Variants in NLGN2 observed in about 807,000 individuals in gnomAD.
NLGN2 encodes neuroligin-2.
NLGN2 carries 11 observed loss-of-function variants against 48.6 expected under a neutral mutation model. That is an observed-to-expected ratio of 0.23 (90% CI 0.14 to 0.37). The LOEUF (loss-of-function observed/expected upper bound fraction) is 0.37. Ranked by LOEUF, NLGN2 falls within the 10% of genes least tolerant of loss-of-function variation. The pLI is 1.00. For synonymous variants in NLGN2, 548 were observed against 550.0 expected (o/e 1.00, Z 0.05); for missense variants, 801 against 1,225.2 (o/e 0.65, Z 5.17).
chr17:7,408,564 G>T lies in NLGN2; in HGVS notation c.309G>T (p.Pro103=). 2 of 1,551,604 alleles carry T rather than the reference G, an allele frequency of 1.3e-6. No homozygotes were observed. The highest frequency in any genetic ancestry group is 1.2e-5 in the South Asian group (1 of 84,740). The part of the protein sequence containing the change: ...WPGVRNATTL[P]PACPQNLHGA... ...GCGTGCGCAACGCCACCACCCTGCC[G>T]CCCGCCTGCCCGCAGAACCTGCACG... Residue 103 remains proline (P), a synonymous_variant, in exon 1 of 7, where the codon CCG becomes CCT. Transcript: ENST00000302926. The surrounding 1 kb of genome is among the most constrained non-coding windows in gnomAD (Gnocchi z 7.5).
chr17:7,412,894 T>C (rs1337194302), intron 2 of NLGN2, among the ~76,000 whole-genome samples: 1 of 100,780 alleles, frequency 9.9e-6, no homozygotes, highest in African/African-American at 2.8e-5. Context: ...TGGTTGTTTT[T>C]TTCTTTCTTT....
In NLGN2 at chr17:7,407,952, T is replaced by TTCTG; in HGVS notation, c.-297_-294dup. 1 of 246,848 alleles carries TTCTG rather than the reference T, an allele frequency of 4.1e-6. No individual in the cohort carries two copies. The highest frequency in any genetic ancestry group is 7.8e-6 in the Non-Finnish European group (1 of 128,638). The allele number at this position is 246,848 out of a possible 1,614,324, so 15.3% of individuals were successfully genotyped here. On this transcript the variant is annotated 5_prime_UTR_variant, in exon 1 of 7. Transcript: ENST00000302926. The stretch of plus-strand genomic sequence containing the variant: ...CTTGCCCTCTTCCACCTCTGTATTT[T>TTCTG]TCTGTCTGTCCGTCTGTCTGTATCC...
Position 7,408,362 on chromosome 17 carries a change from T to A in NLGN2, c.107T>A (p.Leu36His). The part of the protein sequence containing the change: ...PGGPGLGLGS[L>H]GEERFPVVNT... ...GGCCCCGGCCTGGGCCTCGGCAGCC[T>A]CGGCGAGGAGCGCTTCCCGGTGGTG... Residue 36 changes from leucine (L) to histidine (H), a missense_variant, in exon 1 of 7, where the codon CTC becomes CAC. Transcript: ENST00000302926. This position sits in a 1 kb window ranked among gnomAD's most constrained non-coding sequence, Gnocchi z 7.5. 6.7e-7 allele frequency: 1 copy of A among 1,492,874 alleles called. No homozygotes were observed. Among genetic ancestry groups the A allele is most frequent in the Non-Finnish European group, 8.9e-7 (1 of 1,125,036 alleles). The allele number at this position is 1,492,874 out of a possible 1,614,324, so 92.5% of individuals were successfully genotyped here.
At chr17:7,414,869 T>C in intron 4 of NLGN2, 21 bp downstream of exon 4, 1 of 1,614,074 alleles carries the variant, frequency 6.2e-7, no homozygotes, top group Admixed American at 1.7e-5. Context: ...TGTCCCAGCC[T>C]GTTCCACCCT....
chr17:7,408,592 G>T lies in NLGN2; in HGVS notation c.337G>T (p.Ala113Ser), dbSNP rs766235412. 6.3e-7 allele frequency: 1 copy of T among 1,577,506 alleles called. No homozygotes were observed. Reference sequence around the variant, plus strand: ...CGCCTGCCCGCAGAACCTGCACGGGGCGCTGCCCGCCATCATGCTGCCTGT... The same window carrying T: ...CGCCTGCCCGCAGAACCTGCACGGGTCGCTGCCCGCCATCATGCTGCCTGT... Reference protein sequence around the residue: ...PPACPQNLHGALPAIMLPVWF... With the variant: ...PPACPQNLHGSLPAIMLPVWF... The change falls in exon 1 of 7, where the codon GCG becomes TCG. Residue 113 changes from alanine (A) to serine (S), a missense_variant. Physicochemically the swap from Ala to Ser is moderately conservative, Grantham distance 99. Transcript: ENST00000302926. The surrounding 1 kb of genome is among the most constrained non-coding windows in gnomAD (Gnocchi z 7.5).
At chr17:7,412,074 C>T (rs1383285684) in intron 1 of NLGN2, 83 bp from the exon 2 acceptor site, 2 of 665,906 alleles carry the variant, frequency 3.0e-6, no homozygotes, top group South Asian at 1.5e-5. Context: ...CTCTCCTCCC[C>T]TCCCCATCCA....
chr17:7,416,099 C>T lies in NLGN2; in HGVS notation c.1626C>T (p.Ala542=). ...AVVMTYWTNF[A]KTGDPNQPVP... The stretch of plus-strand genomic sequence containing the variant: ...TCATGACCTACTGGACCAACTTCGC[C>T]AAGACTGGGTGAGGGCCAGAGGGGC... The change falls in exon 6 of 7, where the codon GCC becomes GCT. Residue 542 remains alanine, a synonymous_variant. Coordinates refer to ENST00000302926, the MANE Select transcript of NLGN2 (RefSeq NM_020795.4). The T allele has an allele frequency of 1.1e-6, 1 of 902,704 alleles. No individual in the cohort carries two copies. The highest frequency in any genetic ancestry group is 1.7e-6 in the Non-Finnish European group (1 of 601,822). 55.9% of individuals were successfully genotyped at this position (902,704 alleles called of 1,614,324 possible).
At chr17:7,416,805 C>A in intron 6 of NLGN2, 121 bp from the exon 7 acceptor site, 1 of 1,255,784 alleles carries the variant, frequency 8.0e-7, no homozygotes, top group South Asian at 1.3e-5. Flanking sequence ...GACTTTTTCT[C>A]TGGCTTTCTT....
At position 7,414,795 on chromosome 17, in the gene NLGN2, C is replaced by T. The variant is rs1383740518; in HGVS notation, c.791C>T (p.Ser264Phe). 6.2e-7 allele frequency: 1 copy of T among 1,614,098 alleles called. No homozygotes were observed. The highest frequency in any genetic ancestry group is 8.5e-7 in the Non-Finnish European group (1 of 1,179,996). The change falls in exon 4 of 7, where the codon TCC (serine) becomes TTC (phenylalanine). Residue 264 changes from serine to phenylalanine, a missense_variant. Ser to Phe is a radical substitution (Grantham distance 155). Around this residue, in one of 5 missense-constraint regions of NLGN2, gnomAD observed 303 missense variants for 600.1 expected, o/e 0.50. Transcript: ENST00000302926. The part of the protein sequence containing the change: ...GDPERITIFG[S>F]GAGASCVNLL... ...CCCGAGCGTATCACCATCTTTGGTT[C>T]CGGGGCAGGGGCCTCCTGCGTCAAC...
chr17:7,416,821 C>A, intron 6 of NLGN2, 105 bp from the exon 7 acceptor site: 2 of 1,365,120 alleles, frequency 1.5e-6, no homozygotes, highest in Non-Finnish European at 2.0e-6. Flanking sequence ...TTCTTGCTGT[C>A]CCCCTGTCTC....
At position 7,411,384 on chromosome 17, in the gene NLGN2, C is replaced by A. The variant is rs921685929; in HGVS notation, c.458-773C>A. On this transcript the variant is annotated intron_variant, in intron 1 of 6. Transcript: ENST00000302926. This position sits in a 1 kb window ranked among gnomAD's most constrained non-coding sequence, Gnocchi z 4.5. The stretch of plus-strand genomic sequence containing the variant: ...GGTTGAGCTGGAGCGGAGGGCAAGA[C>A]CTGATGACCCCCTTCCCTGCTTTGC... Among the ~76,000 whole-genome samples, 1 of 152,152 alleles carries A rather than the reference C, an allele frequency of 6.6e-6. No individual in the cohort carries two copies. The highest frequency in any genetic ancestry group is 1.5e-5 in the Non-Finnish European group (1 of 68,034).
chr17:7,410,829 C>T (rs1906853715), intron 1 of NLGN2, among the ~76,000 whole-genome samples: 1 of 152,202 alleles, frequency 6.6e-6, no homozygotes, highest in Non-Finnish European at 1.5e-5. Flanking sequence ...CGCGCGCACA[C>T]ACACACGCGC....
At position 7,413,510 on chromosome 17, in the gene NLGN2, A is replaced by G. The variant is rs545061741; in HGVS notation, c.509-834A>G. On this transcript the variant is annotated intron_variant, in intron 2 of 6. Coordinates refer to ENST00000302926, the MANE Select transcript of NLGN2 (RefSeq NM_020795.4). The surrounding 1 kb of genome is among the most constrained non-coding windows in gnomAD (Gnocchi z 4.9). ...AGGGGAGGATACTGTAGCCTCGGGG[A>G]CCCTGGCAAGCACTCTCAGACTCCC... 6.6e-6 allele frequency among the ~76,000 whole-genome samples: 1 copy of G among 152,046 alleles called. No homozygotes were observed. The highest frequency in any genetic ancestry group is 1.5e-5 in the Non-Finnish European group (1 of 67,956).
chr17:7,408,086 C>A lies in NLGN2; in HGVS notation c.-170C>A, dbSNP rs1251853578. 5.2e-6 allele frequency: 2 copies of A among 385,656 alleles called. No individual in the cohort carries two copies. The highest frequency in any genetic ancestry group is 4.5e-6 in the Non-Finnish European group (1 of 219,874). The allele number at this position is 385,656 out of a possible 1,614,324, so 23.9% of individuals were successfully genotyped here. A position where few individuals can be genotyped will look rare whatever the true frequency, so the allele number is the denominator to read the frequency against. ...TGCCCCCTCCATGGAGAGGAACAGA[C>A]CCCTTCTCTGTCCAGTCTAACCCAG... On this transcript the variant is annotated 5_prime_UTR_variant, in exon 1 of 7. Coordinates refer to ENST00000302926, the MANE Select transcript of NLGN2 (RefSeq NM_020795.4). The surrounding 1 kb of genome is among the most constrained non-coding windows in gnomAD (Gnocchi z 7.5).
intron 2 of NLGN2, among the ~76,000 whole-genome samples, chr17:7,412,697 C>T (rs753098195): frequency 7.2e-5 from 11 of 152,000 alleles, no homozygotes; most frequent in Middle Eastern, 6.8e-3. Context: ...ACACAGAAAA[C>T]GCAAACATTC....
chr17:7,412,308 T>C, intron 2 of NLGN2, 101 bp downstream of exon 2: 4 of 794,274 alleles, frequency 5.0e-6, no homozygotes, highest in Non-Finnish European at 8.7e-6. Flanking sequence ...GGCCCCTCAG[T>C]CGTTCTCCCA....
In NLGN2 at chr17:7,417,804, T is replaced by C. The variant is rs1271999013; in HGVS notation, c.*5T>C. 2.3e-6 allele frequency: 3 copies of C among 1,315,134 alleles called. No individual in the cohort carries two copies. Among genetic ancestry groups the C allele is most frequent in the African/African-American group, 3.4e-5 (2 of 59,018 alleles). The allele number at this position is 1,315,134 out of a possible 1,614,324, so 81.5% of individuals were successfully genotyped here. A position where few individuals can be genotyped will look rare whatever the true frequency, so the allele number is the denominator to read the frequency against. ...CACTCCACCACTCGGGTATAGGGGG[T>C]GGGTGGGGAGGCCCTCCTCCCCGGC... On this transcript the variant is annotated 3_prime_UTR_variant, in exon 7 of 7. Coordinates refer to ENST00000302926, the MANE Select transcript of NLGN2 (RefSeq NM_020795.4).
intron 4 of NLGN2, 32 bp from the exon 5 acceptor site, chr17:7,414,924 C>A (rs752535113): frequency 9.3e-6 from 15 of 1,613,098 alleles, no homozygotes; most frequent in Non-Finnish European, 1.3e-5. Context: ...CCGGTACTCA[C>A]AGCCTGGCCT....
At chr17:7,405,982 G>A (rs1000826837), upstream of NLGN2, among the ~76,000 whole-genome samples, 19 of 152,168 alleles carry the variant, frequency 1.2e-4, no homozygotes, top group Admixed American at 2.6e-4. The surrounding 1 kb of genome is among the most constrained non-coding windows in gnomAD (Gnocchi z 6.8). Flanking sequence ...AAGGCAGAGG[G>A]ATAGGGAGAA....
Sources: gnomAD v4.1 joint callset for allele counts (sites outside exome capture counted in the v4.1 genomes callset) on GRCh38, gnomAD v4.1.1 for gene constraint, gnomAD v4.1.1 regional missense constraint, Gnocchi (gnomAD v3.1) non-coding constraint, MANE v1.5 for transcripts, NCBI Gene and HGNC (gene_info 2026-07-23, HGNC 2026-07-21) for gene names.